The following MACF1 variants were observed in gnomAD, a reference collection of about 807,000 sequenced individuals.
MACF1 encodes microtubule-actin cross-linking factor 1.
Under a neutral mutation model 854.8 loss-of-function variants are expected in MACF1, and 193 were observed. That is an observed-to-expected ratio of 0.23 (90% CI 0.20 to 0.25). The LOEUF (loss-of-function observed/expected upper bound fraction) is 0.25. Among genes scored for constraint, MACF1 ranks in the 10% least tolerant of loss-of-function variants. The probability of loss-of-function intolerance (pLI) is 1.00; values close to 1 mark genes in which losing one functional copy is unlikely to be tolerated. For missense variants in MACF1, 7,722 were observed against 8,929.1 expected, an observed-to-expected ratio of 0.86 and a Z score of 5.45; for synonymous variants, 3,185 against 3,226.7, an observed-to-expected ratio of 0.99 and a Z score of 0.44.
At chr1:39,228,265 G>A (rs1287517204) in intron 1 of MACF1, among the ~76,000 whole-genome samples, 2 of 152,078 alleles carry the variant, frequency 1.3e-5, no homozygotes, top group Non-Finnish European at 2.9e-5. Flanking sequence ...AGCCGAGATC[G>A]CACCATTGCA....
chr1:39,111,543 G>A (rs968804204), intron 2 of MACF1, among the ~76,000 whole-genome samples: 7 of 151,928 alleles, frequency 4.6e-5, no homozygotes, highest in Non-Finnish European at 1.0e-4. Flanking sequence ...CCACACACCC[G>A]GCTAATTTTT....
intron 2 of MACF1, among the ~76,000 whole-genome samples, chr1:39,147,040 T>G (rs1476496883): frequency 6.6e-6 from 1 of 151,738 alleles, no homozygotes; most frequent in African/African-American, 2.4e-5. Flanking sequence ...TTCCTTCTTC[T>G]TCTCCTCCTC....
At chr1:39,470,970 T>G (rs1644765714) in intron 97 of MACF1, among the ~76,000 whole-genome samples, 1 of 152,132 alleles carries the variant, frequency 6.6e-6, no homozygotes. Flanking sequence ...TATCTAAAAT[T>G]TGGAACCCCA....
At chr1:39,469,917 T>G (rs751589419) in intron 97 of MACF1, among the ~76,000 whole-genome samples, 2 of 151,984 alleles carry the variant, frequency 1.3e-5, no homozygotes, top group Non-Finnish European at 2.9e-5. Context: ...GTAGATGCTC[T>G]TATCTCTGTT....
At chr1:39,095,954 A>AACC (rs1288085932) in intron 2 of MACF1, among the ~76,000 whole-genome samples, 5 of 152,006 alleles carry the variant, frequency 3.3e-5, no homozygotes, top group African/African-American at 1.2e-4. Flanking sequence ...GAATCACTTG[A>AACC]GTCTGGGATA....
chr1:39,346,267 G>A (rs1325324461), intron 40 of MACF1, among the ~76,000 whole-genome samples: 1 of 151,486 alleles, frequency 6.6e-6, no homozygotes, highest in Non-Finnish European at 1.5e-5. Flanking sequence ...GAGGCTGAGG[G>A]AGGAGAATAG....
chr1:39,296,031 G>A (rs1645893084), intron 20 of MACF1, 149 bp downstream of exon 20: 1 of 638,092 alleles, frequency 1.6e-6, no homozygotes, highest in East Asian at 3.2e-5. Context: ...GATAGCTCAT[G>A]ATTCAGTAGG....
intron 90 of MACF1, 84 bp downstream of exon 90, chr1:39,458,574 T>G: frequency 6.8e-7 from 1 of 1,477,406 alleles, no homozygotes. Flanking sequence ...CAAAAAAAAT[T>G]ATATTCCATT....
intron 41 of MACF1, among the ~76,000 whole-genome samples, chr1:39,347,415 G>T (rs1226699909): frequency 6.6e-6 from 1 of 152,198 alleles, no homozygotes; most frequent in Admixed American, 6.5e-5. Flanking sequence ...TTTTATGTAT[G>T]TGTGAGAGAA....
intron 42 of MACF1, among the ~76,000 whole-genome samples, chr1:39,350,310 G>A (rs755970912): frequency 9.2e-5 from 14 of 152,292 alleles, no homozygotes; most frequent in Middle Eastern, 3.4e-3. Flanking sequence ...ACATATTCAA[G>A]AACCGAAAGA....
chr1:39,435,879 C>A (rs1443938167), intron 70 of MACF1, 118 bp downstream of exon 70: 2 of 818,628 alleles, frequency 2.4e-6, no homozygotes, highest in Non-Finnish European at 3.9e-6. Flanking sequence ...AATACGTGAT[C>A]GGTAGATAGA....
chr1:39,162,978 A>G (rs563982667), intron 2 of MACF1, among the ~76,000 whole-genome samples: 4 of 152,304 alleles, frequency 2.6e-5, no homozygotes, highest in East Asian at 3.9e-4. Context: ...TATTCTAACA[A>G]TGGTGCCTAT....
At chr1:39,282,751 T>G (rs1645571884) in intron 7 of MACF1, among the ~76,000 whole-genome samples, 1 of 152,092 alleles carries the variant, frequency 6.6e-6, no homozygotes, top group South Asian at 2.1e-4. Context: ...GAGTGAGTCA[T>G]CCAGGCTTCT....
chr1:39,279,060 TGTCAGGTGAACATGCA>T (rs1287426205), intron 6 of MACF1, among the ~76,000 whole-genome samples: 1 of 152,234 alleles, frequency 6.6e-6, no homozygotes. Flanking sequence ...ATCTGAAGGT[TGTCAGGTGAACATGCA>T]GTCAGAGCAG....
chr1:39,442,367 T>C, intron 76 of MACF1, 45 bp from the exon 77 acceptor site: 1 of 1,605,896 alleles, frequency 6.2e-7, no homozygotes, highest in Non-Finnish European at 8.5e-7. Context: ...TCCGCTCTTT[T>C]CTAATTTCGT....
intron 58 of MACF1, among the ~76,000 whole-genome samples, chr1:39,388,868 T>C (rs1376453155): frequency 1.4e-4 from 19 of 134,662 alleles, no homozygotes; most frequent in Admixed American, 1.4e-3. Context: ...TTCTTCTTCT[T>C]CTTCTTTTTT....
intron 1 of MACF1, 83 bp from the exon 2 acceptor site, chr1:39,231,099 C>A: frequency 2.0e-6 from 2 of 1,011,792 alleles, no homozygotes; most frequent in Non-Finnish European, 3.2e-6. Flanking sequence ...TCTAGAGAAA[C>A]AGAGATGTGG....
chr1:39,450,866 C>T (rs1018371109), intron 84 of MACF1, among the ~76,000 whole-genome samples, 186 bp from the exon 85 acceptor site: 3 of 152,040 alleles, frequency 2.0e-5, no homozygotes, highest in African/African-American at 4.8e-5. Flanking sequence ...CCACCTCGGC[C>T]TCCCAAAGTG....
At chr1:39,185,481 C>T (rs1418901839) in intron 2 of MACF1, among the ~76,000 whole-genome samples, 1 of 149,960 alleles carries the variant, frequency 6.7e-6, no homozygotes, top group African/African-American at 2.5e-5. Context: ...CCAGCCTGGA[C>T]AGCATAGAGG....
Sources: gnomAD v4.1 joint callset for allele counts (sites outside exome capture counted in the v4.1 genomes callset) on GRCh38, gnomAD v4.1.1 for gene constraint, MANE v1.5 for transcripts, NCBI Gene and HGNC (gene_info 2026-07-23, HGNC 2026-07-21) for gene names.